Variants in LARP1B observed in about 807,000 individuals in gnomAD.
LARP1B encodes the protein La ribonucleoprotein 1B.
LARP1B carries 76 observed loss-of-function variants against 114.2 expected under a neutral mutation model. That is an observed-to-expected ratio of 0.67 (90% CI 0.55 to 0.81). The LOEUF is 0.81. LARP1B is among the 30% of genes least tolerant of loss of function. The probability of loss-of-function intolerance (pLI) is 0.00; values close to 1 mark genes in which losing one functional copy is unlikely to be tolerated. For synonymous variants in LARP1B, 345 were observed against 348.0 expected, an observed-to-expected ratio of 0.99 and a Z score of 0.10; for missense variants, 1,014 against 1,075.8, an observed-to-expected ratio of 0.94 and a Z score of 0.80.
chr4:128,143,111 C>G (rs932219370), intron 11 of LARP1B, among the ~76,000 whole-genome samples: 1 of 151,838 alleles, frequency 6.6e-6, no homozygotes, highest in African/African-American at 2.4e-5. Context: ...ATGGTGAAAC[C>G]CCATCCCTAC....
At chr4:128,139,877 A>AGTCT (rs1203399366) in intron 11 of LARP1B, among the ~76,000 whole-genome samples, 1 of 91,238 alleles carries the variant, frequency 1.1e-5, no homozygotes, top group Admixed American at 1.4e-4. Context: ...CAAGAACCTC[A>AGTCT]ATCTGTGGGA....
intron 5 of LARP1B, among the ~76,000 whole-genome samples, chr4:128,083,452 C>A (rs551085201): frequency 6.0e-5 from 9 of 150,100 alleles, no homozygotes; most frequent in African/African-American, 1.7e-4. Context: ...GGGGCTGACC[C>A]CCCCCACCTC....
chr4:128,161,093 A>T (rs978170251), intron 11 of LARP1B, among the ~76,000 whole-genome samples: 2 of 152,194 alleles, frequency 1.3e-5, no homozygotes, highest in Non-Finnish European at 2.9e-5. Context: ...TAGATGTGAT[A>T]TAGGGTTTTA....
intron 17 of LARP1B, among the ~76,000 whole-genome samples, chr4:128,202,286 CTG>C (rs1190527159): frequency 1.3e-5 from 2 of 152,174 alleles, no homozygotes; most frequent in East Asian, 1.9e-4. Flanking sequence ...CTTATTCAAA[CTG>C]TGGTTTGCTA....
At chr4:128,067,783 C>G (rs2149312489) in intron 1 of LARP1B, among the ~76,000 whole-genome samples, 1 of 151,538 alleles carries the variant, frequency 6.6e-6, no homozygotes, top group South Asian at 2.1e-4. Flanking sequence ...GGAGCAATCT[C>G]ATTGCAACCT....
intron 17 of LARP1B, among the ~76,000 whole-genome samples, chr4:128,202,411 T>C (rs766739919): frequency 2.6e-5 from 4 of 152,240 alleles, no homozygotes; most frequent in Non-Finnish European, 5.9e-5. Context: ...ATTTAATTCA[T>C]ACCCATATAC....
At position 128,210,727 on chromosome 4, in the gene LARP1B, A is replaced by G; in HGVS notation, c.*674A>G. On this transcript the variant is annotated 3_prime_UTR_variant, in exon 20 of 20. Transcript: ENST00000326639. ...GCTTTTCTCCCCCCAGTCATATCTC[A>G]TGATTTCCACAGTTGTTGTATTGGT... 1 of 985,174 alleles carries G rather than the reference A, an allele frequency of 1.0e-6. No individual in the cohort carries two copies. The highest frequency in any genetic ancestry group is 1.2e-6 in the Non-Finnish European group (1 of 829,732). 61.0% of individuals were successfully genotyped at this position (985,174 alleles called of 1,614,324 possible).
intron 11 of LARP1B, chr4:128,123,728 G>T: frequency 1.0e-6 from 1 of 974,568 alleles, no homozygotes; most frequent in Non-Finnish European, 1.2e-6. Flanking sequence ...CCCAACCATT[G>T]TGTATAATAT....
intron 11 of LARP1B, among the ~76,000 whole-genome samples, chr4:128,133,697 A>AT (rs540179689): frequency 5.7e-4 from 87 of 151,628 alleles, no homozygotes; most frequent in South Asian, 1.9e-3. Flanking sequence ...TGGTTAAATG[A>AT]TTTTTTTTTC....
intron 12 of LARP1B, among the ~76,000 whole-genome samples, chr4:128,170,566 G>A (rs1368561980): frequency 6.6e-6 from 1 of 152,032 alleles, no homozygotes; most frequent in African/African-American, 2.4e-5. Context: ...TGGTGAATTG[G>A]CCCTTTCATT....
chr4:128,196,076 C>A (rs928806481), intron 15 of LARP1B, among the ~76,000 whole-genome samples: 1 of 151,496 alleles, frequency 6.6e-6, no homozygotes, highest in East Asian at 1.9e-4. Context: ...TATGGTGAAA[C>A]CCTGTCTCTA....
At chr4:128,221,030 T>C (rs1183075593) in intron 7 of LARP1B, among the ~76,000 whole-genome samples, 1 of 152,354 alleles carries the variant, frequency 6.6e-6, no homozygotes, top group South Asian at 2.1e-4. Context: ...CTGCAATGAT[T>C]CTTAAGTATT....
rs774514661 is a variant in LARP1B at position 128,098,132 on chromosome 4, G to T, written c.669-54G>T. 1.1e-5 allele frequency: 16 copies of T among 1,392,932 alleles called. No homozygotes were observed. In the South Asian group the frequency reaches 1.3e-4, roughly 12 times the overall value. 86.3% of individuals were successfully genotyped at this position (1,392,932 alleles called of 1,614,324 possible). On this transcript the variant is annotated intron_variant, in intron 7 of 19. Coordinates refer to ENST00000326639, the MANE Select transcript of LARP1B (RefSeq NM_018078.4). ...TTTCACAGTTAATGTGGGAGCAATA[G>T]AAATATTTATTTCCTACTAAATAAA...
In LARP1B at chr4:128,205,668, T is replaced by C. The variant is rs185463537; in HGVS notation, c.2310-760T>C. 8.5e-3 allele frequency among the ~76,000 whole-genome samples: 1,190 copies of C among 139,836 alleles called. 3 individuals carry two copies. Among genetic ancestry groups the C allele is most frequent in the Middle Eastern group, 0.015 (4 of 260 alleles). 91.7% of individuals were successfully genotyped at this position (139,836 alleles called of 152,430 possible). ...TATAGTTGAATGGGACAGCCACACCTGGGATCTAGGGCACAGCCGTACAGT... is the reference window on the plus strand; with the variant it reads ...TATAGTTGAATGGGACAGCCACACCCGGGATCTAGGGCACAGCCGTACAGT... On this transcript the variant is annotated intron_variant, in intron 17 of 19. Transcript: ENST00000326639.
chr4:128,111,165 G>C (rs1195656479), intron 9 of LARP1B, among the ~76,000 whole-genome samples: 3 of 151,636 alleles, frequency 2.0e-5, no homozygotes, highest in African/African-American at 7.3e-5. Flanking sequence ...TCCTGCCTCA[G>C]CCTCCCGGGT....
intron 14 of LARP1B, among the ~76,000 whole-genome samples, chr4:128,179,146 A>C (rs532204877): frequency 6.6e-6 from 1 of 152,326 alleles, no homozygotes; most frequent in Admixed American, 6.5e-5. Context: ...GTAATTAAAG[A>C]CGAACAGAAA....
chr4:128,149,979 TG>T (rs778805705), intron 11 of LARP1B, among the ~76,000 whole-genome samples: 1 of 152,082 alleles, frequency 6.6e-6, no homozygotes, highest in Non-Finnish European at 1.5e-5. Context: ...GGTGAAACCC[TG>T]TCTCTACTAA....
intron 8 of LARP1B, among the ~76,000 whole-genome samples, chr4:128,102,687 T>C (rs1780720266): frequency 6.6e-6 from 1 of 152,212 alleles, no homozygotes; most frequent in South Asian, 2.1e-4. Flanking sequence ...AAGCTTTTTG[T>C]GTCTTCCATT....
chr4:128,104,480 A>G (rs1349357414), intron 8 of LARP1B, among the ~76,000 whole-genome samples: 9 of 151,858 alleles, frequency 5.9e-5, no homozygotes, highest in African/African-American at 9.7e-5. Flanking sequence ...CTCTCACTCT[A>G]TGGCCCAGGC....
Sources: gnomAD v4.1 joint callset for allele counts (sites outside exome capture counted in the v4.1 genomes callset) on GRCh38, gnomAD v4.1.1 for gene constraint, MANE v1.5 for transcripts, NCBI Gene and HGNC (gene_info 2026-07-23, HGNC 2026-07-21) for gene names.